Variants in DPYD observed in about 807,000 individuals in gnomAD.
DPYD encodes the protein dihydropyrimidine dehydrogenase [NADP(+)].
DPYD carries 109 observed loss-of-function variants against 116.2 expected under a neutral mutation model. The ratio of observed to expected loss-of-function variants is 0.94; its 90% CI spans 0.80 to 1.10. The LOEUF (loss-of-function observed/expected upper bound fraction) is 1.10, where lower values mean the gene tolerates loss of function less well. Among genes scored for constraint, DPYD ranks in the 50% least tolerant of loss-of-function variants. The pLI, the probability that DPYD is intolerant of heterozygous loss-of-function variation, is 0.00. For missense variants in DPYD, 1,302 were observed against 1,254.5 expected, an observed-to-expected ratio of 1.04 and a Z score of -0.57; for synonymous variants, 440 against 432.0, an observed-to-expected ratio of 1.02 and a Z score of -0.23.
At chr1:97,391,077 T>C (rs1255003560) in intron 14 of DPYD, among the ~76,000 whole-genome samples, 1 of 150,756 alleles carries the variant, frequency 6.6e-6, no homozygotes, top group East Asian at 2.0e-4. Context: ...GTGTTCTTTT[T>C]CTACCTCTGT....
intron 16 of DPYD, among the ~76,000 whole-genome samples, chr1:97,370,270 C>T (rs1166449316): frequency 6.6e-6 from 1 of 152,128 alleles, no homozygotes; most frequent in Admixed American, 6.6e-5. Context: ...TTTTCAGGGA[C>T]ATGGATGAAG....
At chr1:97,194,917 G>A (rs1247121778) in intron 19 of DPYD, among the ~76,000 whole-genome samples, 1 of 152,146 alleles carries the variant, frequency 6.6e-6, no homozygotes, top group African/African-American at 2.4e-5. Context: ...AGAAATTAAA[G>A]TTCTTCCACT....
At chr1:97,766,069 C>T (rs1005325052) in intron 3 of DPYD, among the ~76,000 whole-genome samples, 2 of 152,050 alleles carry the variant, frequency 1.3e-5, no homozygotes, top group Middle Eastern at 3.4e-3. Flanking sequence ...CATGGAGAAA[C>T]TCTACTAAAA....
chr1:97,473,655 G>T (rs1030343945), intron 13 of DPYD, among the ~76,000 whole-genome samples: 6 of 152,132 alleles, frequency 3.9e-5, no homozygotes, highest in African/African-American at 1.4e-4. Context: ...TGAAGGTGTG[G>T]AGAAAAGGGA....
intron 18 of DPYD, among the ~76,000 whole-genome samples, chr1:97,251,461 G>A (rs1045092351): frequency 1.3e-5 from 2 of 151,260 alleles, no homozygotes; most frequent in Non-Finnish European, 1.5e-5. Flanking sequence ...TATTTTAAAG[G>A]TGAATGGGAC....
At chr1:97,644,231 T>C (rs1006308245) in intron 8 of DPYD, among the ~76,000 whole-genome samples, 9 of 152,092 alleles carry the variant, frequency 5.9e-5, no homozygotes, top group African/African-American at 1.9e-4. Flanking sequence ...ATGGGGGAAC[T>C]TGGAAAAGAA....
At chr1:97,754,903 A>G (rs927582333) in intron 3 of DPYD, among the ~76,000 whole-genome samples, 7 of 152,214 alleles carry the variant, frequency 4.6e-5, no homozygotes, top group African/African-American at 1.7e-4. Context: ...ATGACGGTTC[A>G]ATGTTCATTT....
chr1:97,280,689 T>G (rs1398369771), intron 18 of DPYD, among the ~76,000 whole-genome samples: 4 of 152,002 alleles, frequency 2.6e-5, no homozygotes, highest in Non-Finnish European at 5.9e-5. Flanking sequence ...TCTGAAAAAG[T>G]TGATTTCATG....
chr1:97,082,559 T>C lies in DPYD; in HGVS notation c.2767-89A>G, dbSNP rs747597436. The C allele has an allele frequency of 3.7e-5, 55 of 1,477,996 alleles. No homozygotes were observed. The Middle Eastern group carries it at 8.6e-4, about 23-fold the overall frequency. The allele number at this position is 1,477,996 out of a possible 1,614,324, so 91.6% of individuals were successfully genotyped here. A position where few individuals can be genotyped will look rare whatever the true frequency, so the allele number is the denominator to read the frequency against. ...ATCACTCAGCATTTTCCTGTTTTTATACAATGTTGCATTATATTAACTTGG... is the reference window on the plus strand; with the variant it reads ...ATCACTCAGCATTTTCCTGTTTTTACACAATGTTGCATTATATTAACTTGG... On this transcript the variant is annotated intron_variant, in intron 21 of 22. Coordinates refer to ENST00000370192, the MANE Select transcript of DPYD (RefSeq NM_000110.4).
At chr1:97,866,606 C>T (rs908470026) in intron 2 of DPYD, among the ~76,000 whole-genome samples, 19 of 151,390 alleles carry the variant, frequency 1.3e-4, no homozygotes, top group East Asian at 3.9e-4. Context: ...ACCCTAGAGA[C>T]GGAAAGAGGC....
At chr1:97,843,944 C>A (rs184906436) in intron 2 of DPYD, among the ~76,000 whole-genome samples, 6 of 151,838 alleles carry the variant, frequency 4.0e-5, no homozygotes, top group African/African-American at 1.5e-4. Context: ...TATGTGATAA[C>A]CTCAGATACT....
chr1:97,711,070 G>T (rs1427967582), intron 5 of DPYD, among the ~76,000 whole-genome samples: 2 of 151,778 alleles, frequency 1.3e-5, no homozygotes, highest in Non-Finnish European at 2.9e-5. Context: ...TTCCTTACAA[G>T]GCACTCTCTG....
At chr1:97,315,313 A>G (rs1423608807) in intron 16 of DPYD, among the ~76,000 whole-genome samples, 1 of 151,860 alleles carries the variant, frequency 6.6e-6, no homozygotes, top group Non-Finnish European at 1.5e-5. Context: ...CCAGTGAATG[A>G]TAGCAAAACT....
chr1:97,726,587 T>C (rs1179200963), intron 4 of DPYD, among the ~76,000 whole-genome samples: 1 of 151,522 alleles, frequency 6.6e-6, no homozygotes, highest in African/African-American at 2.4e-5. Flanking sequence ...TAACAAATAT[T>C]TGACTGACTC....
intron 16 of DPYD, among the ~76,000 whole-genome samples, chr1:97,332,997 C>A (rs1490722421): frequency 6.6e-6 from 1 of 151,214 alleles, no homozygotes; most frequent in Non-Finnish European, 1.5e-5. Flanking sequence ...CTTTTTTTAA[C>A]TTAGTAGTTT....
At chr1:97,398,861 A>G (rs560375980) in intron 14 of DPYD, among the ~76,000 whole-genome samples, 3 of 152,170 alleles carry the variant, frequency 2.0e-5, no homozygotes, top group African/African-American at 4.8e-5. Context: ...TTGTCAGATG[A>G]GTAGATTGCA....
Position 97,873,411 on chromosome 1 carries a change from A to C in DPYD, c.150+9853T>G, listed in dbSNP as rs139201873. On this transcript the variant is annotated intron_variant, in intron 2 of 22. Transcript: ENST00000370192. ...CCAGCAATTGAATTAATGCCCAAAAATATTCAGGAGATAATACTCACAGTT... is the reference window on the plus strand; with the variant it reads ...CCAGCAATTGAATTAATGCCCAAAACTATTCAGGAGATAATACTCACAGTT... 4.8e-3 allele frequency among the ~76,000 whole-genome samples: 726 copies of C among 152,002 alleles called. 4 individuals carry two copies. The highest frequency in any genetic ancestry group is 0.017 in the African/African-American group (702 of 41,510).
At chr1:97,761,274 A>G (rs548056236) in intron 3 of DPYD, among the ~76,000 whole-genome samples, 52 of 152,286 alleles carry the variant, frequency 3.4e-4, no homozygotes, top group African/African-American at 1.2e-3. Context: ...AAGACTGCCA[A>G]TTACAAGAAA....
intron 2 of DPYD, among the ~76,000 whole-genome samples, chr1:97,878,939 T>C (rs1032232500): frequency 3.9e-5 from 6 of 151,900 alleles, no homozygotes; most frequent in African/African-American, 4.8e-5. Flanking sequence ...GTGAAGCTCA[T>C]GCAAGAAAAA....
Sources: allele counts gnomAD v4.1 joint callset (sites outside exome capture counted in the v4.1 genomes callset), GRCh38; gene constraint gnomAD v4.1.1; transcripts MANE v1.5; gene names NCBI Gene and HGNC (gene_info 2026-07-23, HGNC 2026-07-21).